FLRT2: variants seen among roughly 807,000 people sequenced by gnomAD.
FLRT2 encodes the protein fibronectin leucine rich transmembrane protein 2, also known as leucine-rich repeat transmembrane protein FLRT2.
In FLRT2, 15 loss-of-function variants were observed where a neutral mutation model predicts 40.0. That is an observed-to-expected ratio of 0.38 (90% CI 0.25 to 0.58). The LOEUF (loss-of-function observed/expected upper bound fraction) is 0.58. Ranked by LOEUF, FLRT2 falls within the 20% of genes least tolerant of loss-of-function variation. FLRT2 has a pLI of 0.71. For synonymous variants in FLRT2, 380 were observed against 336.8 expected (o/e 1.13, Z -1.41); for missense variants, 726 against 840.0 (o/e 0.86, Z 1.68).
At chr14:85,614,508 C>G (rs955134480) in intron 1 of FLRT2, among the ~76,000 whole-genome samples, 1 of 152,164 alleles carries the variant, frequency 6.6e-6, no homozygotes, top group Non-Finnish European at 1.5e-5. Flanking sequence ...AACATCAGAT[C>G]AGACCCGGAA....
chr14:85,587,040 C>G (rs1315345245), intron 1 of FLRT2, among the ~76,000 whole-genome samples: 2 of 152,146 alleles, frequency 1.3e-5, no homozygotes, highest in African/African-American at 4.8e-5. Context: ...TTATATATTA[C>G]TTTCTACAAC....
At chr14:85,581,219 A>G (rs530772566) in intron 1 of FLRT2, among the ~76,000 whole-genome samples, 1 of 152,274 alleles carries the variant, frequency 6.6e-6, no homozygotes, top group Non-Finnish European at 1.5e-5. Flanking sequence ...TAAAATGGAA[A>G]TGAGGCTTAT....
intron 1 of FLRT2, among the ~76,000 whole-genome samples, chr14:85,548,828 C>T (rs1889436279): frequency 6.6e-6 from 1 of 152,176 alleles, no homozygotes; most frequent in Non-Finnish European, 1.5e-5. Context: ...TTTTCCCCAC[C>T]CGAATGTTGC....
At position 85,633,981 on chromosome 14, in the gene FLRT2, A is replaced by G. The variant is rs2139389018; in HGVS notation, c.*10484A>G. 6.6e-6 allele frequency: 1 copy of G among 152,266 alleles called. No homozygotes were observed. The highest frequency in any genetic ancestry group is 2.4e-5 in the African/African-American group (1 of 41,544). 9.4% of individuals were successfully genotyped at this position (152,266 alleles called of 1,614,324 possible). ...GAACATTTTAATGTCTCTACAATGC[A>G]GGTGCAATAGTCTACCACCTGTCAT... On this transcript the variant is annotated 3_prime_UTR_variant, in exon 2 of 2. Transcript: ENST00000330753.
At chr14:85,597,468 G>A (rs1057369903) in intron 1 of FLRT2, among the ~76,000 whole-genome samples, 6 of 152,144 alleles carry the variant, frequency 3.9e-5, no homozygotes, top group Admixed American at 3.9e-4. Flanking sequence ...CAGCTAAATG[G>A]CAAAGTCTGT....
intron 1 of FLRT2, among the ~76,000 whole-genome samples, chr14:85,602,560 G>A (rs1332468550): frequency 6.6e-6 from 1 of 152,218 alleles, no homozygotes; most frequent in Non-Finnish European, 1.5e-5. Flanking sequence ...CAGAGTAGCT[G>A]AATGGAGTTC....
Position 85,638,797 on chromosome 14 carries a change from T to C in FLRT2, c.*15300T>C, listed in dbSNP as rs1894074069. On this transcript the variant is annotated 3_prime_UTR_variant, in exon 2 of 2. Transcript: ENST00000330753. ...CTGAACATATATGAGGCCTAGATTT[T>C]GCTGCATGTCCGCAAACCTATTTTG... The C allele has an allele frequency of 6.6e-6, 1 of 152,242 alleles. No individual in the cohort carries two copies. 9.4% of individuals were successfully genotyped at this position (152,242 alleles called of 1,614,324 possible).
intron 1 of FLRT2, among the ~76,000 whole-genome samples, chr14:85,537,227 G>A (rs750386231): frequency 2.6e-5 from 4 of 152,104 alleles, no homozygotes; most frequent in Non-Finnish European, 5.9e-5. Context: ...AATTTTAGCC[G>A]ATTATTTCAA....
chr14:85,580,568 T>G (rs886790684), intron 1 of FLRT2, among the ~76,000 whole-genome samples: 1 of 152,200 alleles, frequency 6.6e-6, no homozygotes, highest in Non-Finnish European at 1.5e-5. Context: ...AAGTTAACGG[T>G]TTGTCTTAGT....
chr14:85,539,902 C>T (rs1888886241), intron 1 of FLRT2, among the ~76,000 whole-genome samples: 1 of 152,138 alleles, frequency 6.6e-6, no homozygotes, highest in Non-Finnish European at 1.5e-5. Flanking sequence ...TGGCTGCTAG[C>T]CCCTGCATCA....
At chr14:85,612,958 T>C (rs1325687561) in intron 1 of FLRT2, among the ~76,000 whole-genome samples, 1 of 152,214 alleles carries the variant, frequency 6.6e-6, no homozygotes, top group Non-Finnish European at 1.5e-5. Flanking sequence ...GTATATTACA[T>C]ATGTGCAATA....
At chr14:85,544,125 G>T (rs546181292) in intron 1 of FLRT2, among the ~76,000 whole-genome samples, 5 of 152,166 alleles carry the variant, frequency 3.3e-5, no homozygotes, top group Non-Finnish European at 7.4e-5. Context: ...TATTCCCATA[G>T]ATTGATTACC....
In FLRT2 at chr14:85,621,391, C is replaced by T. The variant is rs1384266056; in HGVS notation, c.-124C>T. On this transcript the variant is annotated 5_prime_UTR_variant, in exon 2 of 2. The change creates a new upstream start codon in the 5' untranslated region. Coordinates refer to ENST00000330753, the MANE Select transcript of FLRT2 (RefSeq NM_013231.6). ...ATTATTTTACCATACGCCCTCAGGA[C>T]GTTCCCTCTAGCTGGAGTTCTGGAC... is the stretch of plus-strand genomic sequence containing the variant. 4 of 817,838 alleles carry T rather than the reference C, an allele frequency of 4.9e-6. No individual in the cohort carries two copies. The highest frequency in any genetic ancestry group is 1.7e-5 in the African/African-American group (1 of 57,810). 50.7% of individuals were successfully genotyped at this position (817,838 alleles called of 1,614,324 possible).
chr14:85,614,737 C>T (rs1226292854), intron 1 of FLRT2, among the ~76,000 whole-genome samples: 3 of 152,064 alleles, frequency 2.0e-5, no homozygotes, highest in Non-Finnish European at 4.4e-5. Context: ...TAATGACCCT[C>T]AGGTTTGGGG....
Position 85,643,354 on chromosome 14 carries a change from T to TTCCTTCCTTCCTTC in FLRT2, c.*19857_*19858insTCCTTCCTTCCTTC, listed in dbSNP as rs1491559808. 94 of 46,064 alleles carry TTCCTTCCTTCCTTC rather than the reference T, an allele frequency of 2.0e-3. No homozygotes were observed. Among genetic ancestry groups the TTCCTTCCTTCCTTC allele is most frequent in the South Asian group, 3.3e-3 (3 of 918 alleles). The allele number at this position is 46,064 out of a possible 1,614,324, so 2.9% of individuals were successfully genotyped here. A position where few individuals can be genotyped will look rare whatever the true frequency, so the allele number is the denominator to read the frequency against. On this transcript the variant is annotated 3_prime_UTR_variant, in exon 2 of 2. Transcript: ENST00000330753. ...TTCTTTCTTTCTTTCTTTCTTTCTT[T>TTCCTTCCTTCCTTC]CTTCCTTCCTTCCTTCCTTCCTTTC...
rs966915882 is a variant in FLRT2, at chr14:85,625,462, G to T, written c.*1965G>T. ...TAATCTCCCTTGTCCCTCAGAATAAGCAGAAAATATAACTGCAGCTGTATG... is the reference window on the plus strand; with the variant it reads ...TAATCTCCCTTGTCCCTCAGAATAATCAGAAAATATAACTGCAGCTGTATG... On this transcript the variant is annotated 3_prime_UTR_variant, in exon 2 of 2. Coordinates refer to ENST00000330753, the MANE Select transcript of FLRT2 (RefSeq NM_013231.6). The T allele has an allele frequency of 6.0e-6, 1 of 166,884 alleles. No individual in the cohort carries two copies. The highest frequency in any genetic ancestry group is 2.4e-5 in the African/African-American group (1 of 41,442). The allele number at this position is 166,884 out of a possible 1,614,324, so 10.3% of individuals were successfully genotyped here.
At position 85,530,194 on chromosome 14, in the gene FLRT2, A is replaced by G. The variant is rs1057339717; in HGVS notation, c.-717A>G. ...GTCACTTGCGCGTTTGGCATTATCC[A>G]TTGTCACCGCGGAGGAACGAGCGCT... On this transcript the variant is annotated 5_prime_UTR_variant, in exon 1 of 2. Coordinates refer to ENST00000330753, the MANE Select transcript of FLRT2 (RefSeq NM_013231.6). 2 of 152,614 alleles carry G rather than the reference A, an allele frequency of 1.3e-5. No individual in the cohort carries two copies. Among genetic ancestry groups the G allele is most frequent in the African/African-American group, 4.8e-5 (2 of 41,432 alleles). 9.5% of individuals were successfully genotyped at this position (152,614 alleles called of 1,614,324 possible).
In FLRT2 at chr14:85,632,284, A is replaced by C. The variant is rs1260724676; in HGVS notation, c.*8787A>C. The C allele has an allele frequency of 6.6e-6, 1 of 151,934 alleles. No individual in the cohort carries two copies. The highest frequency in any genetic ancestry group is 1.5e-5 in the Non-Finnish European group (1 of 68,092). 9.4% of individuals were successfully genotyped at this position (151,934 alleles called of 1,614,324 possible). Reference sequence around the variant, plus strand: ...CAAGAAATCAAGACCATCCTGGCCAACATGGTGAAACCCTGTCTCTACTAA... The same window carrying C: ...CAAGAAATCAAGACCATCCTGGCCACCATGGTGAAACCCTGTCTCTACTAA... On this transcript the variant is annotated 3_prime_UTR_variant, in exon 2 of 2. Transcript: ENST00000330753.
At chr14:85,607,245 A>T (rs1892664680) in intron 1 of FLRT2, among the ~76,000 whole-genome samples, 1 of 152,144 alleles carries the variant, frequency 6.6e-6, no homozygotes, top group African/African-American at 2.4e-5. Flanking sequence ...TTGACCCAAG[A>T]GTCATGCTCC....
Sources: gnomAD v4.1 joint callset for allele counts (sites outside exome capture counted in the v4.1 genomes callset) on GRCh38, gnomAD v4.1.1 for gene constraint, MANE v1.5 for transcripts, NCBI Gene and HGNC (gene_info 2026-07-23, HGNC 2026-07-21) for gene names.